The following ZNF469 variants were observed in gnomAD, a reference collection of about 807,000 sequenced individuals.
ZNF469 encodes zinc finger protein 469.
Under a neutral mutation model 1.0 loss-of-function variants are expected in ZNF469, and 1 was observed. The observed-to-expected ratio is 1.00, with a 90% confidence interval of 0.35 to 4.73. The LOEUF (loss-of-function observed/expected upper bound fraction) is 4.73. Among genes scored for constraint, ZNF469 ranks in the 30% most tolerant of loss-of-function variants. The pLI, the probability that ZNF469 is intolerant of heterozygous loss-of-function variation, is 0.16. For missense variants in ZNF469, 6,100 were observed against 5,356.3 expected, an observed-to-expected ratio of 1.14 and a Z score of -4.33; for synonymous variants, 2,703 against 2,363.4, an observed-to-expected ratio of 1.14 and a Z score of -4.17.
intron 1 of ZNF469, among the ~76,000 whole-genome samples, chr16:88,417,785 C>CA (rs1386893871): frequency 1.3e-5 from 2 of 152,246 alleles, no homozygotes; most frequent in Admixed American, 1.3e-4. Context: ...GGGGAGCTCT[C>CA]AGAGTCTCCT....
At chr16:88,179,410 C>G in the ZNF469 span, among the ~76,000 whole-genome samples, 1 of 152,222 alleles carries the variant, frequency 6.6e-6, no homozygotes, top group Non-Finnish European at 1.5e-5. Context: ...CCTTCACCCT[C>G]CACCCTAAGC....
chr16:88,406,255 C>T (rs935627631), intron 1 of ZNF469, among the ~76,000 whole-genome samples: 1 of 152,102 alleles, frequency 6.6e-6, no homozygotes, highest in African/African-American at 2.4e-5. Context: ...TCAGGGTGGC[C>T]GTGTATGTGT....
the ZNF469 span, among the ~76,000 whole-genome samples, chr16:88,357,483 C>G: frequency 7.7e-4 from 117 of 152,328 alleles, no homozygotes; most frequent in African/African-American, 2.7e-3. Context: ...AGGCCACTCC[C>G]CCTCCCTGGG....
the ZNF469 span, among the ~76,000 whole-genome samples, chr16:88,327,353 C>T: frequency 1.7e-4 from 26 of 152,370 alleles, no homozygotes; most frequent in African/African-American, 5.8e-4. Flanking sequence ...TTGTGCAGCA[C>T]CCCTGCCACC....
chr16:88,130,674 C>G, the ZNF469 span, among the ~76,000 whole-genome samples: 2 of 147,754 alleles, frequency 1.4e-5, no homozygotes, highest in East Asian at 4.0e-4. Flanking sequence ...CCATTGCACT[C>G]CAGCCTGGGC....
At chr16:88,301,098 T>C in the ZNF469 span, among the ~76,000 whole-genome samples, 1 of 151,624 alleles carries the variant, frequency 6.6e-6, no homozygotes. Flanking sequence ...ACTAAAGCCG[T>C]TGGGAGCGTG....
chr16:88,293,648 T>G, the ZNF469 span, among the ~76,000 whole-genome samples: 1 of 152,330 alleles, frequency 6.6e-6, no homozygotes, highest in East Asian at 1.9e-4. Flanking sequence ...TCTAGAATAT[T>G]CCCTTCAAAG....
At chr16:88,413,299 G>C (rs1597198527) in intron 1 of ZNF469, among the ~76,000 whole-genome samples, 1 of 152,042 alleles carries the variant, frequency 6.6e-6, no homozygotes, top group Non-Finnish European at 1.5e-5. Flanking sequence ...CTCCAGGACA[G>C]ACCCGCTCTG....
At chr16:88,355,696 C>G in the ZNF469 span, among the ~76,000 whole-genome samples, 1 of 152,218 alleles carries the variant, frequency 6.6e-6, no homozygotes, top group Non-Finnish European at 1.5e-5. Context: ...GCCTATCATC[C>G]AGGGGCTGGG....
the ZNF469 span, among the ~76,000 whole-genome samples, chr16:88,112,059 G>C: frequency 6.6e-6 from 1 of 152,050 alleles, no homozygotes; most frequent in African/African-American, 2.4e-5. Context: ...CGTTGTGTAC[G>C]TGTCACATTT....
At chr16:88,197,556 GTA>G in the ZNF469 span, among the ~76,000 whole-genome samples, 1 of 152,238 alleles carries the variant, frequency 6.6e-6, no homozygotes, top group Admixed American at 6.5e-5. Context: ...CTTGCCCATT[GTA>G]TTAGTCATCC....
chr16:88,263,304 C>T, the ZNF469 span, among the ~76,000 whole-genome samples: 2 of 152,242 alleles, frequency 1.3e-5, no homozygotes, highest in Non-Finnish European at 2.9e-5. Context: ...GTGTACTCAA[C>T]AGATGCATAT....
Position 88,432,312 on chromosome 16 carries a change from C to T in ZNF469, c.4842C>T (p.Ala1614=). The T allele has an allele frequency of 3.2e-6, 5 of 1,547,554 alleles. No individual in the cohort carries two copies. The highest frequency in any genetic ancestry group is 4.4e-6 in the Non-Finnish European group (5 of 1,146,974). Residue 1614 remains alanine (A), a synonymous_variant, in exon 3 of 3, where the codon GCC becomes GCT. Transcript: ENST00000565624. ...CCTCCCAACGGCGCACCTGCCAGGC[C>T]ACCGTGCCCCACGAGGACACGTTCT... ...EPPSQRRTCQ[A]TVPHEDTFSA...
the ZNF469 span, among the ~76,000 whole-genome samples, chr16:88,248,190 C>T: frequency 1.3e-5 from 2 of 152,218 alleles, no homozygotes; most frequent in Middle Eastern, 3.4e-3. Context: ...TTTAAGGGAA[C>T]AGAGAAAGCA....
chr16:88,343,652 T>A, the ZNF469 span, among the ~76,000 whole-genome samples: 3 of 152,066 alleles, frequency 2.0e-5, no homozygotes, highest in East Asian at 1.9e-4. Flanking sequence ...GCACAGGGCA[T>A]CCATGGCAAG....
At chr16:88,246,520 G>A in the ZNF469 span, among the ~76,000 whole-genome samples, 11 of 152,302 alleles carry the variant, frequency 7.2e-5, no homozygotes, top group East Asian at 1.2e-3. Context: ...TGGCACACTC[G>A]TTCTCACACT....
chr16:88,117,281 G>T, the ZNF469 span, among the ~76,000 whole-genome samples: 1 of 152,100 alleles, frequency 6.6e-6, no homozygotes. Flanking sequence ...GGGGGCATGT[G>T]AGGGCTGGGG....
At chr16:88,198,147 G>A in the ZNF469 span, among the ~76,000 whole-genome samples, 8 of 152,382 alleles carry the variant, frequency 5.2e-5, no homozygotes, top group Non-Finnish European at 7.3e-5. Context: ...GCTGAGGACA[G>A]AGCCCTTTCC....
At chr16:88,214,580 G>A in the ZNF469 span, among the ~76,000 whole-genome samples, 1,249 of 151,964 alleles carry the variant, frequency 8.2e-3, 8 homozygotes, top group Non-Finnish European at 0.013. Context: ...AGGTATACAC[G>A]TGCCATGGTG....
Sources: allele counts gnomAD v4.1 joint callset (sites outside exome capture counted in the v4.1 genomes callset), GRCh38; gene constraint gnomAD v4.1.1; transcripts MANE v1.5; gene names NCBI Gene and HGNC (gene_info 2026-07-23, HGNC 2026-07-21).